Variants in LAMB4 observed in about 807,000 individuals in gnomAD.
The protein encoded by LAMB4 is laminin subunit beta-4.
A neutral mutation model predicts 199.2 loss-of-function variants in LAMB4; 196 were observed. That is an observed-to-expected ratio of 0.98 (90% CI 0.88 to 1.11). The LOEUF is 1.11. LAMB4 is among the 50% of genes least tolerant of loss of function. The pLI, the probability that LAMB4 is intolerant of heterozygous loss-of-function variation, is 0.00. For missense variants in LAMB4, 2,080 were observed against 2,171.2 expected, an observed-to-expected ratio of 0.96 and a Z score of 0.83; for synonymous variants, 744 against 770.6, an observed-to-expected ratio of 0.97 and a Z score of 0.57.
At chr7:108,109,367 T>A in intron 4 of LAMB4, 123 bp from the exon 5 acceptor site, 1 of 715,022 alleles carries the variant, frequency 1.4e-6, no homozygotes, top group Non-Finnish European at 2.4e-6. Context: ...TGACGATCAC[T>A]CTTCCCAGTC....
chr7:108,111,833 C>A lies in LAMB4; in HGVS notation c.306G>T (p.Lys102Asn). 6.2e-7 allele frequency: 1 copy of A among 1,612,088 alleles called. No individual in the cohort carries two copies. The highest frequency in any genetic ancestry group is 8.5e-7 in the Non-Finnish European group (1 of 1,179,412). Residue 102 changes from lysine (K) to asparagine (N), a missense_variant, in exon 4 of 34, where the codon AAG becomes AAT. By Grantham distance (94) the Lys-to-Asn change is moderately conservative. Transcript: ENST00000388781. ...TACCATTTTCAGATTGCCACCATTT[C>A]TTTTCTCTGTCTGGTTCAAAACTTA... The part of the protein sequence containing the change: ...VIVSFEPDRE[K>N]KWWQSENGLD...
Position 108,048,841 on chromosome 7 carries a change from C to T in LAMB4, c.4122+485G>A, listed in dbSNP as rs977361125. 1.2e-4 allele frequency among the ~76,000 whole-genome samples: 19 copies of T among 152,214 alleles called. No individual in the cohort carries two copies. The South Asian group carries it at 1.5e-3, about 12-fold the overall frequency. On this transcript the variant is annotated intron_variant, in intron 27 of 33. Transcript: ENST00000388781. Reference sequence around the variant, plus strand: ...CTGAGCAGCTGAGATTACAGGTGCACGCCACTACCCCCAGGTAATTTTTGT... The same window carrying T: ...CTGAGCAGCTGAGATTACAGGTGCATGCCACTACCCCCAGGTAATTTTTGT...
chr7:108,014,719 GTTT>G, the LAMB4 span, among the ~76,000 whole-genome samples: 2 of 142,542 alleles, frequency 1.4e-5, no homozygotes, highest in African/African-American at 2.6e-5. Context: ...ACTGGTTGTT[GTTT>G]TTTTTTTTTT....
chr7:108,062,593 C>T (rs1382680946), intron 23 of LAMB4, 181 bp downstream of exon 23: 1 of 392,244 alleles, frequency 2.5e-6, no homozygotes, highest in Non-Finnish European at 4.5e-6. Flanking sequence ...TTGAGATGCT[C>T]ATTCTCTTTT....
At chr7:108,030,642 T>C (rs1001026697) in intron 32 of LAMB4, among the ~76,000 whole-genome samples, 164 bp downstream of exon 32, 2 of 152,136 alleles carry the variant, frequency 1.3e-5, no homozygotes, top group African/African-American at 4.8e-5. Context: ...CTTCTACAGA[T>C]AGAAAATCCT....
At position 108,034,201 on chromosome 7, in the gene LAMB4, C is replaced by A; in HGVS notation, c.4818+7G>T. 4 of 1,613,812 alleles carry A rather than the reference C, an allele frequency of 2.5e-6. No homozygotes were observed. Among genetic ancestry groups the A allele is most frequent in the Non-Finnish European group, 3.4e-6 (4 of 1,179,846 alleles). On this transcript the variant is annotated splice_region_variant and intron_variant, in intron 31 of 33. Coordinates refer to ENST00000388781, the MANE Select transcript of LAMB4 (RefSeq NM_007356.3). Reference sequence around the variant, plus strand: ...TATTTCAGGTTAGTTTCAAAGAAGACAAATACCTGCAGCACATTCTTTTTT... The same window carrying A: ...TATTTCAGGTTAGTTTCAAAGAAGAAAAATACCTGCAGCACATTCTTTTTT...
chr7:108,122,894 T>C (rs982075237), intron 2 of LAMB4, among the ~76,000 whole-genome samples: 1 of 152,200 alleles, frequency 6.6e-6, no homozygotes, highest in Non-Finnish European at 1.5e-5. Context: ...TTCTTTAATA[T>C]TTTACTTATC....
intron 2 of LAMB4, among the ~76,000 whole-genome samples, chr7:108,119,685 A>G (rs1278333813): frequency 6.6e-6 from 1 of 152,214 alleles, no homozygotes; most frequent in Non-Finnish European, 1.5e-5. Context: ...ACTGTTCTGT[A>G]TCTTGACTGT....
At chr7:108,114,571 T>G (rs1159482438) in intron 3 of LAMB4, among the ~76,000 whole-genome samples, 1 of 152,230 alleles carries the variant, frequency 6.6e-6, no homozygotes, top group Non-Finnish European at 1.5e-5. Flanking sequence ...ACACAAGTAC[T>G]TCCCAAACTT....
At chr7:108,026,598 G>A (rs1195554667) in intron 33 of LAMB4, 1 of 185,616 alleles carries the variant, frequency 5.4e-6, no homozygotes, top group Non-Finnish European at 1.1e-5. Flanking sequence ...AATTTATTAT[G>A]CAGTGAATAA....
At chr7:108,111,640 T>C (rs73725339) in intron 4 of LAMB4, among the ~76,000 whole-genome samples, 171 bp downstream of exon 4, 3,474 of 152,358 alleles carry the variant, frequency 0.023, 136 homozygotes, top group African/African-American at 0.078. Context: ...GAAAGTATTC[T>C]TGTTAAAATG....
intron 14 of LAMB4, 24 bp downstream of exon 14, chr7:108,091,602 A>G: frequency 6.2e-7 from 1 of 1,608,018 alleles, no homozygotes; most frequent in Non-Finnish European, 8.5e-7. Flanking sequence ...CACAGTCTGT[A>G]GGGAAAGTAA....
intron 14 of LAMB4, among the ~76,000 whole-genome samples, chr7:108,090,980 T>G (rs374617770): frequency 3.3e-5 from 5 of 152,206 alleles, no homozygotes; most frequent in African/African-American, 1.2e-4. Flanking sequence ...ATTCCAGGAA[T>G]GACTCGGTTC....
chr7:108,013,543 T>G, the LAMB4 span, among the ~76,000 whole-genome samples: 1 of 152,172 alleles, frequency 6.6e-6, no homozygotes, highest in Non-Finnish European at 1.5e-5. Context: ...ACTTTGGCTT[T>G]AGAGGCTCAA....
chr7:108,015,354 GGTTT>G, the LAMB4 span, among the ~76,000 whole-genome samples: 6 of 152,234 alleles, frequency 3.9e-5, no homozygotes, highest in Non-Finnish European at 8.8e-5. Flanking sequence ...CTCAAACAGT[GGTTT>G]GGTTGTTAAA....
At chr7:108,064,926 T>A (rs2150551807) in intron 21 of LAMB4, among the ~76,000 whole-genome samples, 1 of 150,138 alleles carries the variant, frequency 6.7e-6, no homozygotes, top group East Asian at 2.0e-4. Flanking sequence ...AGAGACAGGG[T>A]CTTGCTCTGT....
intron 14 of LAMB4, among the ~76,000 whole-genome samples, chr7:108,087,308 T>G (rs972232191): frequency 5.9e-5 from 9 of 152,220 alleles, no homozygotes; most frequent in Admixed American, 4.6e-4. Flanking sequence ...TTTTCTTTCA[T>G]TCAGCCATTT....
intron 25 of LAMB4, among the ~76,000 whole-genome samples, chr7:108,053,833 A>G (rs2035899334): frequency 6.6e-6 from 1 of 152,194 alleles, no homozygotes; most frequent in Non-Finnish European, 1.5e-5. Flanking sequence ...CTTGTGGTCC[A>G]TGGGCCAAAG....
chr7:108,084,896 AT>A (rs376182779), intron 14 of LAMB4, among the ~76,000 whole-genome samples: 1 of 146,862 alleles, frequency 6.8e-6, no homozygotes, highest in African/African-American at 2.5e-5. Context: ...AGCACACATC[AT>A]CACACCCAGC....
Sources: gnomAD v4.1 joint callset for allele counts (sites outside exome capture counted in the v4.1 genomes callset) on GRCh38, gnomAD v4.1.1 for gene constraint, MANE v1.5 for transcripts, NCBI Gene and HGNC (gene_info 2026-07-23, HGNC 2026-07-21) for gene names.